The following FBXO28 variants were observed in gnomAD, a reference collection of about 807,000 sequenced individuals.
The protein encoded by FBXO28 is F-box protein 28, also known as F-box only protein 28.
FBXO28 carries 8 observed loss-of-function variants against 38.1 expected under a neutral mutation model. The observed-to-expected ratio is 0.21, with a 90% CI of 0.12 to 0.38. FBXO28 has a LOEUF of 0.38. Among genes scored for constraint, FBXO28 ranks in the 10% least tolerant of loss-of-function variants. The pLI, the probability that FBXO28 is intolerant of heterozygous loss-of-function variation, is 1.00. For synonymous variants in FBXO28, 168 were observed against 173.8 expected (o/e 0.97, Z 0.26); for missense variants, 345 against 460.6 (o/e 0.75, Z 2.30).
chr1:224,146,563 G>C (rs935677947), intron 3 of FBXO28, among the ~76,000 whole-genome samples: 2 of 151,974 alleles, frequency 1.3e-5, no homozygotes, highest in African/African-American at 4.8e-5. Context: ...GAAATGTGAT[G>C]GTGTACTTTT....
rs111649041 is a variant in FBXO28, at chr1:224,143,607, G to A, written c.516+9395G>A. Among the ~76,000 whole-genome samples the A allele has an allele frequency of 9.9e-3, 1,501 of 151,666 alleles. 30 individuals are homozygous for A. The highest frequency in any genetic ancestry group is 0.035 in the African/African-American group (1,432 of 41,342). On this transcript the variant is annotated intron_variant, in intron 3 of 4. Coordinates refer to ENST00000366862, the MANE Select transcript of FBXO28 (RefSeq NM_015176.4). ...TGGGAGGCCGAGGCGGGCAGATCAC[G>A]AGGTCAGGTGATCGAGACCATCCTA...
At chr1:224,143,009 A>ATAAG (rs915045235) in intron 3 of FBXO28, among the ~76,000 whole-genome samples, 4 of 152,054 alleles carry the variant, frequency 2.6e-5, no homozygotes. Flanking sequence ...AAATAAATAA[A>ATAAG]TAAGTAAGTA....
Position 224,157,964 on chromosome 1 carries a change from C to G in FBXO28, c.*218C>G. 1 of 1,344,366 alleles carries G rather than the reference C, an allele frequency of 7.4e-7. No individual in the cohort carries two copies. The highest frequency in any genetic ancestry group is 9.5e-7 in the Non-Finnish European group (1 of 1,053,056). 83.3% of individuals were successfully genotyped at this position (1,344,366 alleles called of 1,614,324 possible). A position where few individuals can be genotyped will look rare whatever the true frequency, so the allele number is the denominator to read the frequency against. ...TACTTTGCAATAGATTTGTACTAAC[C>G]AGACCTGTTCTATCATGTTTTGAGG... On this transcript the variant is annotated 3_prime_UTR_variant, in exon 5 of 5. Transcript: ENST00000366862.
In FBXO28 at chr1:224,157,783, C is replaced by T; in HGVS notation, c.*37C>T. On this transcript the variant is annotated 3_prime_UTR_variant, in exon 5 of 5. Coordinates refer to ENST00000366862, the MANE Select transcript of FBXO28 (RefSeq NM_015176.4). The stretch of plus-strand genomic sequence containing the variant: ...GTTCTAGTTCCAGAGGAAGACACAG[C>T]TTAGTAGCTTAAGCAGTTATGCATA... 6.4e-7 allele frequency: 1 copy of T among 1,556,112 alleles called. No individual in the cohort carries two copies.
At chr1:224,138,223 G>A (rs1473965314) in intron 3 of FBXO28, among the ~76,000 whole-genome samples, 1 of 151,180 alleles carries the variant, frequency 6.6e-6, no homozygotes, top group Non-Finnish European at 1.5e-5. Context: ...GTGAGACCCT[G>A]CCACAAAAAA....
At chr1:224,146,211 GC>G (rs1657499939) in intron 3 of FBXO28, among the ~76,000 whole-genome samples, 1 of 151,916 alleles carries the variant, frequency 6.6e-6, no homozygotes, top group East Asian at 1.9e-4. Context: ...TCCAGCCTGG[GC>G]GATAGAGTGA....
chr1:224,119,135 CTTTTTTTTT>C (rs67458349), intron 1 of FBXO28, among the ~76,000 whole-genome samples: 1 of 109,910 alleles, frequency 9.1e-6, no homozygotes, highest in Admixed American at 1.2e-4. Context: ...TCTTTTTTTT[CTTTTTTTTT>C]TTTTTTTTTG....
chr1:224,125,665 G>A (rs1220991423), intron 1 of FBXO28, among the ~76,000 whole-genome samples: 4 of 145,672 alleles, frequency 2.7e-5, no homozygotes, highest in South Asian at 2.2e-4. Context: ...TTTCTGACAC[G>A]GAGTCTCGTT....
At chr1:224,135,201 T>G (rs1310854028) in intron 3 of FBXO28, among the ~76,000 whole-genome samples, 1 of 152,194 alleles carries the variant, frequency 6.6e-6, no homozygotes, top group Non-Finnish European at 1.5e-5. Flanking sequence ...AGTTAGAAAC[T>G]TCAGAGTGAT....
Position 224,159,040 on chromosome 1 carries a change from C to T in FBXO28, c.*1294C>T, listed in dbSNP as rs1344737218. On this transcript the variant is annotated 3_prime_UTR_variant, in exon 5 of 5. Transcript: ENST00000366862. ...GCTTTAACAACCTCCAAATTGTGTA[C>T]AGTGGTTATTTTCCCCAGTTGTATA... 5 of 152,598 alleles carry T rather than the reference C, an allele frequency of 3.3e-5. No homozygotes were observed. Among genetic ancestry groups the T allele is most frequent in the African/African-American group, 1.2e-4 (5 of 41,440 alleles). 9.5% of individuals were successfully genotyped at this position (152,598 alleles called of 1,614,324 possible).
chr1:224,146,207 C>G (rs1469507713), intron 3 of FBXO28, among the ~76,000 whole-genome samples: 2 of 151,246 alleles, frequency 1.3e-5, no homozygotes, highest in East Asian at 1.9e-4. Context: ...ACACTCCAGC[C>G]TGGGCGATAG....
At chr1:224,142,921 G>A (rs1422445082) in intron 3 of FBXO28, among the ~76,000 whole-genome samples, 1 of 152,054 alleles carries the variant, frequency 6.6e-6, no homozygotes, top group South Asian at 2.1e-4. Flanking sequence ...ACTCCAGCCT[G>A]GGGGACAGAA....
At chr1:224,126,931 T>C (rs990124501) in intron 1 of FBXO28, among the ~76,000 whole-genome samples, 3 of 152,236 alleles carry the variant, frequency 2.0e-5, no homozygotes, top group Non-Finnish European at 4.4e-5. Flanking sequence ...GATTTTCTTC[T>C]ATTTGATATT....
chr1:224,146,897 A>G (rs935730421), intron 3 of FBXO28, among the ~76,000 whole-genome samples: 4 of 150,934 alleles, frequency 2.7e-5, no homozygotes, highest in African/African-American at 9.7e-5. Context: ...TAGTAGAGAC[A>G]GGGTTTCACC....
intron 3 of FBXO28, among the ~76,000 whole-genome samples, chr1:224,141,818 G>A (rs1406457262): frequency 6.6e-6 from 1 of 152,112 alleles, no homozygotes; most frequent in Admixed American, 6.6e-5. Flanking sequence ...GTCAGTGAGT[G>A]AGTGGTGAGT....
chr1:224,151,643 T>A (rs946758799), intron 3 of FBXO28, among the ~76,000 whole-genome samples: 1 of 152,170 alleles, frequency 6.6e-6, no homozygotes, highest in Non-Finnish European at 1.5e-5. Context: ...ATATGTGGGA[T>A]GCCAGGTTGT....
At chr1:224,146,702 A>ATT (rs5781350) in intron 3 of FBXO28, among the ~76,000 whole-genome samples, 12,564 of 109,820 alleles carry the variant, frequency 0.11, 466 homozygotes, top group African/African-American at 0.14. Flanking sequence ...TAAAACTAAA[A>ATT]TTTTTTTTTT....
chr1:224,153,468 G>A lies in FBXO28; in HGVS notation c.712+131G>A, dbSNP rs1657693811. On this transcript the variant is annotated intron_variant, in intron 4 of 4. Coordinates refer to ENST00000366862, the MANE Select transcript of FBXO28 (RefSeq NM_015176.4). ...TGGCAGCATCATTTTTAATGAGATT[G>A]GATTATCAACCATAACTTACACAAC... is the stretch of plus-strand genomic sequence containing the variant. The A allele has an allele frequency of 1.6e-5, 10 of 623,714 alleles. No homozygotes were observed. In the South Asian group the frequency reaches 2.2e-4, roughly 14 times the overall value. The allele number at this position is 623,714 out of a possible 1,614,324, so 38.6% of individuals were successfully genotyped here.
intron 3 of FBXO28, among the ~76,000 whole-genome samples, chr1:224,148,140 A>G (rs1338072011): frequency 6.6e-6 from 1 of 152,214 alleles, no homozygotes; most frequent in Non-Finnish European, 1.5e-5. Flanking sequence ...AAATGGAAAG[A>G]GTGAACTTGC....
Sources: gnomAD v4.1 joint callset for allele counts (sites outside exome capture counted in the v4.1 genomes callset) on GRCh38, gnomAD v4.1.1 for gene constraint, MANE v1.5 for transcripts, NCBI Gene and HGNC (gene_info 2026-07-23, HGNC 2026-07-21) for gene names.